TENM3: variants seen among roughly 807,000 people sequenced by gnomAD.
TENM3 encodes teneurin-3.
Under a neutral mutation model 255.1 loss-of-function variants are expected in TENM3, and 63 were observed. The ratio of observed to expected loss-of-function variants is 0.25; its 90% CI spans 0.20 to 0.30. TENM3 has a LOEUF of 0.30. Among genes scored for constraint, TENM3 ranks in the 10% least tolerant of loss-of-function variants. The pLI, the probability that TENM3 is intolerant of heterozygous loss-of-function variation, is 1.00. For missense variants in TENM3, 2,929 were observed against 3,461.1 expected (o/e 0.85, Z 3.86); for synonymous variants, 1,306 against 1,322.3 (o/e 0.99, Z 0.27).
chr4:182,680,163 C>T (rs1756029856), intron 8 of TENM3, 85 bp from the exon 9 acceptor site: 2 of 984,366 alleles, frequency 2.0e-6, no homozygotes, highest in Non-Finnish European at 3.2e-6. Flanking sequence ...AATTATCTAG[C>T]ATAAATGAAG....
the TENM3 span, among the ~76,000 whole-genome samples, chr4:181,646,608 G>C: frequency 6.6e-6 from 1 of 152,074 alleles, no homozygotes; most frequent in Non-Finnish European, 1.5e-5. Flanking sequence ...AAAGACTCAA[G>C]GCAGAAGGCA....
upstream of TENM3, among the ~76,000 whole-genome samples, chr4:182,242,856 A>G (rs1328210785): frequency 6.6e-6 from 1 of 152,210 alleles, no homozygotes; most frequent in Non-Finnish European, 1.5e-5. Context: ...AGATGATGGT[A>G]GCCTGTATGT....
intron 1 of TENM3, among the ~76,000 whole-genome samples, chr4:182,223,259 C>T (rs1755950440): frequency 6.6e-6 from 1 of 152,184 alleles, no homozygotes; most frequent in African/African-American, 2.4e-5. Flanking sequence ...TCATCTGCTG[C>T]AGTGAATCAC....
In TENM3 at chr4:182,425,636, T is replaced by A. The variant is rs77024338; in HGVS notation, c.511+78707T>A. Among the ~76,000 whole-genome samples, 845 of 152,278 alleles carry A rather than the reference T, an allele frequency of 5.5e-3. 13 individuals carry two copies. Among genetic ancestry groups the A allele is most frequent in the African/African-American group, 0.019 (805 of 41,572 alleles). On this transcript the variant is annotated intron_variant, in intron 3 of 27. Coordinates refer to ENST00000511685, the MANE Select transcript of TENM3 (RefSeq NM_001080477.4). ...TGGTTACTCTCTGAAACATTGTGCT[T>A]CCATTCTTTGTATCAAAATATATTG...
the TENM3 span, among the ~76,000 whole-genome samples, chr4:182,046,057 G>T: frequency 1.3e-5 from 2 of 152,074 alleles, no homozygotes; most frequent in African/African-American, 2.4e-5. Context: ...GGGGACAAAA[G>T]CTTCTGTTTA....
At chr4:181,551,969 T>G in the TENM3 span, among the ~76,000 whole-genome samples, 2 of 151,750 alleles carry the variant, frequency 1.3e-5, no homozygotes, top group African/African-American at 4.8e-5. Context: ...TCCTTGGTTT[T>G]TAGTTCTTGG....
At chr4:182,719,504 C>T (rs566956692) in intron 13 of TENM3, among the ~76,000 whole-genome samples, 3 of 151,898 alleles carry the variant, frequency 2.0e-5, no homozygotes, top group South Asian at 4.1e-4. Context: ...TGTGATCCGC[C>T]CCCCTCGGCC....
At chr4:182,579,987 T>C (rs951941173) in intron 3 of TENM3, among the ~76,000 whole-genome samples, 2 of 152,140 alleles carry the variant, frequency 1.3e-5, no homozygotes, top group African/African-American at 2.4e-5. Context: ...TTGAGAAAAT[T>C]TGCAGGATGT....
intron 3 of TENM3, among the ~76,000 whole-genome samples, chr4:182,418,520 A>T (rs1770552715): frequency 6.6e-6 from 1 of 152,176 alleles, no homozygotes; most frequent in South Asian, 2.1e-4. Context: ...CCTCAGGGGC[A>T]AGAGGAACTG....
chr4:182,604,706 A>G, intron 4 of TENM3, among the ~76,000 whole-genome samples: 1 of 152,212 alleles, frequency 6.6e-6, no homozygotes, highest in East Asian at 1.9e-4. Flanking sequence ...GATGTTAACA[A>G]AACGGTTCAT....
chr4:182,654,027 T>A (rs1753551722), intron 6 of TENM3, 134 bp downstream of exon 6: 7 of 825,590 alleles, frequency 8.5e-6, no homozygotes, highest in Non-Finnish European at 1.2e-5. Flanking sequence ...CATCTTTTTA[T>A]AAGTTTTTTT....
chr4:182,203,134 T>C (rs1277735903), intron 1 of TENM3, among the ~76,000 whole-genome samples: 1 of 151,918 alleles, frequency 6.6e-6, no homozygotes, highest in Admixed American at 6.6e-5. Context: ...GGAGAATCAC[T>C]TGAACCAGGG....
intron 22 of TENM3, among the ~76,000 whole-genome samples, chr4:182,767,254 T>G (rs1428304582): frequency 2.0e-5 from 3 of 152,188 alleles, no homozygotes; most frequent in African/African-American, 7.2e-5. Flanking sequence ...ATCACATTAT[T>G]GCCATTAAGA....
At chr4:182,154,496 A>G (rs1326559019) in intron 1 of TENM3, among the ~76,000 whole-genome samples, 4 of 152,162 alleles carry the variant, frequency 2.6e-5, no homozygotes, top group Non-Finnish European at 4.4e-5. Flanking sequence ...TTTAGTCTAA[A>G]TATATGTTAG....
intron 3 of TENM3, among the ~76,000 whole-genome samples, chr4:182,495,003 G>T (rs192597092): frequency 6.6e-6 from 1 of 152,262 alleles, no homozygotes; most frequent in Admixed American, 6.5e-5. Context: ...TGGAGATGTT[G>T]TATGCTCAGC....
chr4:181,781,153 G>A, the TENM3 span, among the ~76,000 whole-genome samples: 6 of 152,190 alleles, frequency 3.9e-5, no homozygotes, highest in South Asian at 2.1e-4. Flanking sequence ...TTCCAATTCC[G>A]TAAAGAAAGT....
chr4:181,568,884 A>T, the TENM3 span, among the ~76,000 whole-genome samples: 3 of 152,254 alleles, frequency 2.0e-5, no homozygotes, highest in South Asian at 6.2e-4. Context: ...CCTTTGGAGG[A>T]TTAGAGGAAT....
chr4:182,022,918 T>TA, the TENM3 span, among the ~76,000 whole-genome samples: 1 of 152,204 alleles, frequency 6.6e-6, no homozygotes, highest in Non-Finnish European at 1.5e-5. Context: ...CTAAAGTGGA[T>TA]AGGGGCTGAG....
At chr4:181,952,939 GTTA>G in the TENM3 span, among the ~76,000 whole-genome samples, 1 of 152,220 alleles carries the variant, frequency 6.6e-6, no homozygotes, top group Non-Finnish European at 1.5e-5. Flanking sequence ...CTGGGCCACA[GTTA>G]CATGCATTCA....
Sources: allele counts gnomAD v4.1 joint callset (sites outside exome capture counted in the v4.1 genomes callset), GRCh38; gene constraint gnomAD v4.1.1; transcripts MANE v1.5; gene names NCBI Gene and HGNC (gene_info 2026-07-23, HGNC 2026-07-21).